F7: variants seen among roughly 807,000 people sequenced by gnomAD.
The protein encoded by F7 is coagulation factor VII, also known as FVII coagulation protein.
A neutral mutation model predicts 47.5 loss-of-function variants in F7; 38 were observed. That is an observed-to-expected ratio of 0.80 (90% confidence interval 0.62 to 1.05). The LOEUF (loss-of-function observed/expected upper bound fraction) is 1.05. Ranked by LOEUF, F7 falls within the 50% of genes least tolerant of loss-of-function variation. The probability of loss-of-function intolerance (pLI) is 0.00; values close to 1 mark genes in which losing one functional copy is unlikely to be tolerated. For synonymous variants in F7, 244 were observed against 258.5 expected (o/e 0.94, Z 0.54); for missense variants, 575 against 605.4 (o/e 0.95, Z 0.53).
chr13:113,108,584 A>G (rs78491903), intron 1 of F7, among the ~76,000 whole-genome samples: 33 of 30,236 alleles, frequency 1.1e-3, no homozygotes, highest in African/African-American at 5.5e-3. Context: ...GTGTCCCGGG[A>G]GTGTGGGTGT....
intron 4 of F7, chr13:113,114,548 T>C (rs2036160695): frequency 6.2e-6 from 1 of 160,632 alleles, no homozygotes; most frequent in African/African-American, 2.4e-5. Context: ...ATGTGGACAG[T>C]CCTTAATTCT....
intron 7 of F7, among the ~76,000 whole-genome samples, chr13:113,117,839 T>C (rs1439110206): frequency 6.6e-6 from 1 of 152,226 alleles, no homozygotes; most frequent in African/African-American, 2.4e-5. Context: ...GGGCTGTGGC[T>C]CTGGGCTTCG....
intron 2 of F7, among the ~76,000 whole-genome samples, chr13:113,111,636 C>T (rs1340260975): frequency 4.2e-4 from 52 of 122,374 alleles, no homozygotes; most frequent in African/African-American, 1.6e-3. Flanking sequence ...TTCACACTCA[C>T]GGGTCACCTC....
chr13:113,116,665 G>C, intron 5 of F7, 101 bp from the exon 6 acceptor site: 1 of 979,924 alleles, frequency 1.0e-6, no homozygotes, highest in Non-Finnish European at 1.6e-6. Flanking sequence ...CCATAGCCTC[G>C]GCCTCAAGGC....
chr13:113,119,678 C>A lies in F7; in HGVS notation c.*670C>A. On this transcript the variant is annotated 3_prime_UTR_variant, in exon 8 of 8. Coordinates refer to ENST00000346342, the MANE Select transcript of F7 (RefSeq NM_019616.4). ...ACAGAGATATGCACACACCGATGTG[C>A]GCACACACAGATATGCACACACATG... The A allele has an allele frequency of 6.5e-6, 1 of 154,742 alleles. No homozygotes were observed. The highest frequency in any genetic ancestry group is 2.0e-4 in the South Asian group (1 of 4,962). 9.6% of individuals were successfully genotyped at this position (154,742 alleles called of 1,614,324 possible).
rs121964934 is a variant in F7, at chr13:113,118,772, T to G, written c.1099T>G (p.Cys367Gly). Residue 367 changes from cysteine to glycine, a missense_variant, in exon 8 of 8, where the codon TGT (cysteine) becomes GGT (glycine). By Grantham distance (159) the Cys-to-Gly change is radical (BLOSUM62 -3). Coordinates refer to ENST00000346342, the MANE Select transcript of F7 (RefSeq NM_019616.4). ...DSPNITEYMF[C>G]AGYSDGSKDS... is the part of the protein sequence containing the mutation. ...CCCAAATATCACGGAGTACATGTTC[T>G]GTGCCGGCTACTCGGATGGCAGCAA... The G allele has an allele frequency of 3.1e-6, 5 of 1,613,260 alleles. No individual in the cohort carries two copies. In the East Asian group the frequency reaches 1.1e-4, roughly 36 times the overall value.
intron 1 of F7, chr13:113,110,274 T>G: frequency 4.5e-5 from 8 of 179,106 alleles, no homozygotes; most frequent in Non-Finnish European, 8.0e-5. Context: ...AGACGAGGGA[T>G]TTGGATTTCC....
chr13:113,116,960 T>C (rs750795456), intron 6 of F7, 85 bp downstream of exon 6: 4 of 1,145,464 alleles, frequency 3.5e-6, no homozygotes, highest in Middle Eastern at 1.9e-4. Flanking sequence ...GAAGGGAAAA[T>C]GGGCAGGTCA....
In F7 at chr13:113,118,751, A is replaced by G. The variant is rs373135581; in HGVS notation, c.1078A>G (p.Asn360Asp). Residue 360 changes from asparagine (N) to aspartate (D), a missense_variant, in exon 8 of 8, where the codon AAT (asparagine) becomes GAT (aspartate). Transcript: ENST00000346342. ...GTCACGGAAGGTGGGAGACTCCCCA[A>G]ATATCACGGAGTACATGTTCTGTGC... Reference protein sequence around the residue: ...QQSRKVGDSPNITEYMFCAGY... With the variant: ...QQSRKVGDSPDITEYMFCAGY... 101 of 1,613,004 alleles carry G rather than the reference A, an allele frequency of 6.3e-5. No individual in the cohort carries two copies. Among genetic ancestry groups the G allele is most frequent in the Middle Eastern group, 1.6e-4 (1 of 6,084 alleles).
In F7 at chr13:113,113,734, G is replaced by T. The variant is rs769672049; in HGVS notation, c.226-18G>T. On this transcript the variant is annotated intron_variant, in intron 2 of 7. Transcript: ENST00000346342. This position sits in a 1 kb window ranked among gnomAD's most constrained non-coding sequence, Gnocchi z 4.1. ...GGTGAAGGTGCATCTCACGAGGCTT[G>T]CTCTCTTGTTCCTTCAGAAGCTGTT... 2 of 1,613,250 alleles carry T rather than the reference G, an allele frequency of 1.2e-6. No individual in the cohort carries two copies. The highest frequency in any genetic ancestry group is 1.7e-6 in the Non-Finnish European group (2 of 1,179,218).
At chr13:113,117,364 A>C in intron 6 of F7, 109 bp from the exon 7 acceptor site, 1 of 1,549,132 alleles carries the variant, frequency 6.5e-7, no homozygotes, top group South Asian at 1.2e-5. Context: ...CCAGGATTTC[A>C]GAAAGAAATT....
At chr13:113,117,398 C>T in intron 6 of F7, 75 bp from the exon 7 acceptor site, 1 of 1,598,254 alleles carries the variant, frequency 6.3e-7, no homozygotes. Context: ...GGTTCCTTGG[C>T]ATGCCCGGGA....
rs375492544 is a variant in F7 at position 113,110,647 on chromosome 13, G to A, written c.65-43G>A. ...CGTGGGGCGGTCTCCGAGGCACTGG[G>A]CGGGGCACGCGGTGGGCGCTTCACG... On this transcript the variant is annotated intron_variant, in intron 1 of 7. Coordinates refer to ENST00000346342, the MANE Select transcript of F7 (RefSeq NM_019616.4). 8.1e-5 allele frequency: 125 copies of A among 1,546,970 alleles called. No homozygotes were observed. The African/African-American group carries it at 1.6e-3, about 20-fold the overall frequency.
intron 5 of F7, 51 bp downstream of exon 5, chr13:113,115,851 T>C: frequency 6.2e-7 from 1 of 1,611,046 alleles, no homozygotes; most frequent in Non-Finnish European, 8.5e-7. Context: ...CCTGTCCCAC[T>C]ACGGATTATC....
intron 7 of F7, 73 bp from the exon 8 acceptor site, chr13:113,118,340 A>G (rs2036232522): frequency 2.7e-6 from 4 of 1,476,348 alleles, no homozygotes; most frequent in Non-Finnish European, 2.8e-6. Context: ...AAATGGCCAC[A>G]GCCCATCCCC....
chr13:113,117,652 T>G, intron 7 of F7, 56 bp downstream of exon 7: 2 of 1,445,202 alleles, frequency 1.4e-6, no homozygotes, highest in Non-Finnish European at 1.9e-6. Flanking sequence ...CACTCTTCCC[T>G]GTCCGACCGC....
In F7 at chr13:113,113,275, T is replaced by C. The variant is rs1310023945; in HGVS notation, c.226-477T>C. 3.3e-5 allele frequency among the ~76,000 whole-genome samples: 5 copies of C among 152,374 alleles called. No individual in the cohort carries two copies. Among genetic ancestry groups the C allele is most frequent in the Admixed American group, 6.5e-5 (1 of 15,310 alleles). On this transcript the variant is annotated intron_variant, in intron 2 of 7. Coordinates refer to ENST00000346342, the MANE Select transcript of F7 (RefSeq NM_019616.4). The surrounding 1 kb of genome is among the most constrained non-coding windows in gnomAD (Gnocchi z 4.1). ...TTTTATACACCTAGTTTTGAAAGCA[T>C]TTCTCATCTGTTGTATTCTCACAGC...
intron 1 of F7, among the ~76,000 whole-genome samples, chr13:113,107,257 AGTGTGGGTGTCCCGGG>A (rs2035979382): frequency 3.5e-5 from 2 of 56,552 alleles, no homozygotes; most frequent in South Asian, 6.6e-4. Context: ...GTGTCCCGGG[AGTGTGGGTGTCCCGGG>A]GGCGTGGGTG....
In F7 at chr13:113,118,668, C is replaced by T. The variant is rs36209567; in HGVS notation, c.995C>T (p.Ala332Val). The change falls in exon 8 of 8, where the codon GCC becomes GTC. Residue 332 changes from alanine (A) to valine (V), a missense_variant. Ala to Val is a moderately conservative substitution (Grantham distance 64, BLOSUM62 0). Transcript: ENST00000346342. The stretch of plus-strand genomic sequence containing the variant: ...CAGCTGCTGGACCGTGGCGCCACGG[C>T]CCTGGAGCTCATGGTCCTCAACGTG... ...WGQLLDRGAT[A>V]LELMVLNVPR... The T allele has an allele frequency of 4.0e-4, 646 of 1,612,734 alleles. No homozygotes were observed. Among genetic ancestry groups the T allele is most frequent in the Non-Finnish European group, 4.8e-4 (565 of 1,179,894 alleles).
Sources: gnomAD v4.1 joint callset for allele counts (sites outside exome capture counted in the v4.1 genomes callset) on GRCh38, gnomAD v4.1.1 for gene constraint, Gnocchi (gnomAD v3.1) non-coding constraint, MANE v1.5 for transcripts, NCBI Gene and HGNC (gene_info 2026-07-23, HGNC 2026-07-21) for gene names.